Variants in TXNDC12 observed in about 807,000 individuals in gnomAD.
TXNDC12 encodes thioredoxin domain containing 12.
Under a neutral mutation model 24.2 loss-of-function variants are expected in TXNDC12, and 22 were observed. The ratio of observed to expected loss-of-function variants is 0.91; its 90% CI spans 0.65 to 1.30. The LOEUF is 1.30. Among genes scored for constraint, TXNDC12 ranks in the 50% most tolerant of loss-of-function variants. The pLI is 0.00. For synonymous variants in TXNDC12, 58 were observed against 73.4 expected (o/e 0.79, Z 1.07); for missense variants, 184 against 205.8 (o/e 0.89, Z 0.65).
chr1:52,033,092 G>A (rs1352629244), intron 2 of TXNDC12: 1 of 1,610,962 alleles, frequency 6.2e-7, no homozygotes, highest in Admixed American at 1.7e-5. Context: ...CGGTCCCAGC[G>A]ATTCCGAGAA....
At chr1:52,038,429 G>A (rs1338710278) in intron 2 of TXNDC12, among the ~76,000 whole-genome samples, 2 of 151,784 alleles carry the variant, frequency 1.3e-5, no homozygotes, top group Non-Finnish European at 2.9e-5. Flanking sequence ...TCCTGCCTCA[G>A]CCTCCCAAGT....
intron 2 of TXNDC12, chr1:52,033,358 CG>C: frequency 6.2e-7 from 1 of 1,613,710 alleles, no homozygotes. Context: ...AGCGCGTGGC[CG>C]CCAACTCACA....
At chr1:52,024,272 A>G (rs1223118343) in intron 5 of TXNDC12, among the ~76,000 whole-genome samples, 1 of 152,178 alleles carries the variant, frequency 6.6e-6, no homozygotes, top group Admixed American at 6.5e-5. Context: ...GACTACAGGC[A>G]TGAGCCACTG....
chr1:52,025,390 T>G, intron 4 of TXNDC12, among the ~76,000 whole-genome samples: 1 of 152,246 alleles, frequency 6.6e-6, no homozygotes, highest in Non-Finnish European at 1.5e-5. Context: ...GCTAATTTTT[T>G]TATATTTTTA....
intron 1 of TXNDC12, among the ~76,000 whole-genome samples, chr1:52,042,464 CT>C (rs3075033): frequency 0.011 from 1,615 of 140,582 alleles, 19 homozygotes; most frequent in African/African-American, 0.032. Flanking sequence ...TATACTTTCA[CT>C]TTTTTTTTTT....
chr1:52,044,563 C>A (rs1377689286), intron 1 of TXNDC12, among the ~76,000 whole-genome samples: 1 of 152,102 alleles, frequency 6.6e-6, no homozygotes, highest in Non-Finnish European at 1.5e-5. Flanking sequence ...GATTTTGATC[C>A]CTGAGGAATT....
At chr1:52,046,440 A>C (rs1331426642) in intron 1 of TXNDC12, among the ~76,000 whole-genome samples, 1 of 152,174 alleles carries the variant, frequency 6.6e-6, no homozygotes, top group Non-Finnish European at 1.5e-5. Flanking sequence ...GAGCAAAAAG[A>C]GAAGTCAAGG....
At chr1:52,048,263 G>C (rs140833394) in intron 1 of TXNDC12, among the ~76,000 whole-genome samples, 1 of 151,932 alleles carries the variant, frequency 6.6e-6, no homozygotes, top group African/African-American at 2.4e-5. Flanking sequence ...CTAGAAGTTC[G>C]AGGCCAGTCT....
chr1:52,028,726 T>A, intron 2 of TXNDC12, 96 bp from the exon 3 acceptor site: 1 of 926,000 alleles, frequency 1.1e-6, no homozygotes, highest in Non-Finnish European at 1.7e-6. Flanking sequence ...GTAGTATTAT[T>A]TCAATTGGGA....
chr1:52,041,077 A>G (rs1369820206), intron 2 of TXNDC12, among the ~76,000 whole-genome samples: 1 of 151,972 alleles, frequency 6.6e-6, no homozygotes, highest in Non-Finnish European at 1.5e-5. Flanking sequence ...TCACGCCTGT[A>G]ATCCCAGCAC....
chr1:52,032,699 A>T, intron 2 of TXNDC12: 1 of 1,596,638 alleles, frequency 6.3e-7, no homozygotes, highest in Non-Finnish European at 8.5e-7. Context: ...TCCTCTGGTC[A>T]GTGCAGGCTC....
intron 4 of TXNDC12, among the ~76,000 whole-genome samples, chr1:52,024,959 T>A (rs1685651978): frequency 6.6e-6 from 1 of 152,216 alleles, no homozygotes. Context: ...ACCACAGTCA[T>A]CCCTTCCACC....
intron 2 of TXNDC12, chr1:52,032,565 T>C: frequency 7.1e-7 from 1 of 1,412,346 alleles, no homozygotes; most frequent in Non-Finnish European, 9.2e-7. Flanking sequence ...CAGGAAAGTT[T>C]GAGTGAATCA....
chr1:52,044,654 A>G (rs1686054349), intron 1 of TXNDC12, among the ~76,000 whole-genome samples: 1 of 152,250 alleles, frequency 6.6e-6, no homozygotes, highest in Non-Finnish European at 1.5e-5. Flanking sequence ...GGAATCACAA[A>G]AACAGGCATG....
intron 2 of TXNDC12, among the ~76,000 whole-genome samples, chr1:52,035,574 G>T (rs1009554453): frequency 2.0e-5 from 3 of 152,048 alleles, no homozygotes; most frequent in African/African-American, 4.8e-5. Flanking sequence ...TTAGTCGGGT[G>T]GGGTAGCGTG....
At chr1:52,054,518 T>A (rs1437861445) in intron 1 of TXNDC12, among the ~76,000 whole-genome samples, 1 of 152,216 alleles carries the variant, frequency 6.6e-6, no homozygotes, top group Non-Finnish European at 1.5e-5. Flanking sequence ...GCTCTTCTTA[T>A]GCACTAGATA....
rs189313301 is a variant in TXNDC12, at chr1:52,025,646, T to A, written c.286-1067A>T. On this transcript the variant is annotated intron_variant, in intron 4 of 6. Transcript: ENST00000371626. The stretch of plus-strand genomic sequence containing the variant: ...GTGAGGAATTCATGTGCAAAGGCAA[T>A]CAATACTTTCACAATTTATGATGTG... 5.3e-5 allele frequency among the ~76,000 whole-genome samples: 8 copies of A among 152,284 alleles called. No homozygotes were observed. The East Asian group carries it at 1.5e-3, about 29-fold the overall frequency.
At chr1:52,033,266 C>T (rs781735198) in intron 2 of TXNDC12, 1 of 1,613,816 alleles carries the variant, frequency 6.2e-7, no homozygotes, top group Admixed American at 1.7e-5. Context: ...TCGGCCTGGG[C>T]ACTTCCATTT....
At chr1:52,024,421 G>T in intron 5 of TXNDC12, 89 bp downstream of exon 5, 2 of 997,832 alleles carry the variant, frequency 2.0e-6, no homozygotes, top group Non-Finnish European at 3.1e-6. Context: ...GGTCATCCTG[G>T]TATAGTTTCA....
Sources: allele counts gnomAD v4.1 joint callset (sites outside exome capture counted in the v4.1 genomes callset), GRCh38; gene constraint gnomAD v4.1.1; transcripts MANE v1.5; gene names NCBI Gene and HGNC (gene_info 2026-07-23, HGNC 2026-07-21).